The following MYO1E variants were observed in gnomAD, a reference collection of about 807,000 sequenced individuals.
MYO1E encodes the protein myosin IE, also known as unconventional myosin-Ie.
A neutral mutation model predicts 151.1 loss-of-function variants in MYO1E; 68 were observed. That is an observed-to-expected ratio of 0.45 (90% confidence interval 0.37 to 0.55). The LOEUF (loss-of-function observed/expected upper bound fraction) is 0.55, where lower values mean the gene tolerates loss of function less well. Ranked by LOEUF, MYO1E falls within the 20% of genes least tolerant of loss-of-function variation. The pLI, the probability that MYO1E is intolerant of heterozygous loss-of-function variation, is 0.00. For synonymous variants in MYO1E, 601 were observed against 501.7 expected, an observed-to-expected ratio of 1.20 and a Z score of -2.64; for missense variants, 1,363 against 1,389.3, an observed-to-expected ratio of 0.98 and a Z score of 0.30.
chr15:59,359,075 A>C (rs1400252158), intron 1 of MYO1E, among the ~76,000 whole-genome samples: 6 of 152,024 alleles, frequency 3.9e-5, no homozygotes, highest in African/African-American at 1.4e-4. Context: ...CTACCCTGGA[A>C]GTGGTCTCCA....
At chr15:59,276,598 A>G (rs1423589259) in intron 1 of MYO1E, among the ~76,000 whole-genome samples, 4 of 152,244 alleles carry the variant, frequency 2.6e-5, no homozygotes, top group African/African-American at 4.8e-5. Flanking sequence ...TTTATTAAAA[A>G]GCAGTTGATT....
chr15:59,334,264 A>G (rs2080715219), intron 1 of MYO1E, among the ~76,000 whole-genome samples: 1 of 152,216 alleles, frequency 6.6e-6, no homozygotes. Flanking sequence ...AGCCTGGGTA[A>G]CCAAATGAGA....
At chr15:59,302,695 G>A (rs1342387615) in intron 1 of MYO1E, among the ~76,000 whole-genome samples, 2 of 152,136 alleles carry the variant, frequency 1.3e-5, no homozygotes, top group Non-Finnish European at 2.9e-5. Flanking sequence ...CACAGTGCCT[G>A]ACACACCTTG....
intron 1 of MYO1E, among the ~76,000 whole-genome samples, chr15:59,285,800 T>C (rs2080384566): frequency 6.6e-6 from 1 of 152,244 alleles, no homozygotes; most frequent in Admixed American, 6.5e-5. Flanking sequence ...TGCATGTCCA[T>C]TAAGATTTTT....
In MYO1E at chr15:59,214,328, G is replaced by T. The variant is rs555679222; in HGVS notation, c.1189-14C>A. 86 of 1,544,794 alleles carry T rather than the reference G, an allele frequency of 5.6e-5. No homozygotes were observed. In the South Asian group the frequency reaches 7.8e-4, roughly 14 times the overall value. On this transcript the variant is annotated splice_polypyrimidine_tract_variant and intron_variant, in intron 11 of 27. Transcript: ENST00000288235. ...AAAGCCATTTTTCTGGAAAAAAAAAGTTATTCACATGTAATTCTTTCACAA... is the reference window on the plus strand; with the variant it reads ...AAAGCCATTTTTCTGGAAAAAAAAATTTATTCACATGTAATTCTTTCACAA...
chr15:59,290,484 C>T (rs936992989), intron 1 of MYO1E, among the ~76,000 whole-genome samples: 25 of 152,182 alleles, frequency 1.6e-4, no homozygotes, highest in African/African-American at 5.5e-4. Flanking sequence ...AGCCACCCTG[C>T]GACATCTTTG....
At chr15:59,158,833 T>G (rs1463478155) in intron 24 of MYO1E, among the ~76,000 whole-genome samples, 1 of 152,198 alleles carries the variant, frequency 6.6e-6, no homozygotes, top group Non-Finnish European at 1.5e-5. Context: ...CGCAAGAGTG[T>G]GTGTTCTACG....
Position 59,161,054 on chromosome 15 carries a change from G to C in MYO1E, c.2785+19C>G, listed in dbSNP as rs773372483. On this transcript the variant is annotated intron_variant, in intron 24 of 27. Transcript: ENST00000288235. ...GGGAGCGGCGGCAGTTCTGCCTGCAGGGCCCGTGGAGCACTTACGGGAGTT... is the reference window on the plus strand; with the variant it reads ...GGGAGCGGCGGCAGTTCTGCCTGCACGGCCCGTGGAGCACTTACGGGAGTT... The C allele has an allele frequency of 1.9e-6, 3 of 1,612,580 alleles. No individual in the cohort carries two copies. The highest frequency in any genetic ancestry group is 2.5e-6 in the Non-Finnish European group (3 of 1,180,004).
intron 4 of MYO1E, among the ~76,000 whole-genome samples, chr15:59,242,252 G>C (rs944332564): frequency 3.3e-5 from 5 of 152,144 alleles, no homozygotes; most frequent in African/African-American, 4.8e-5. Flanking sequence ...TCAATAAAAA[G>C]AACAAGGGCT....
Position 59,372,615 on chromosome 15 carries a change from C to G in MYO1E, c.-115G>C. The G allele has an allele frequency of 7.4e-7, 1 of 1,358,246 alleles. No individual in the cohort carries two copies. Among genetic ancestry groups the G allele is most frequent in the African/African-American group, 1.5e-5 (1 of 68,664 alleles). 84.1% of individuals were successfully genotyped at this position (1,358,246 alleles called of 1,614,324 possible). On this transcript the variant is annotated 5_prime_UTR_variant, in exon 1 of 28. Coordinates refer to ENST00000288235, the MANE Select transcript of MYO1E (RefSeq NM_004998.4). ...TGGTTCCCCTCGCCAAAAACAGGCT[C>G]CCGACACCCAAGCACTCACAGGAGC...
At position 59,211,304 on chromosome 15, in the gene MYO1E, CCA is replaced by C. The variant is rs200504874; in HGVS notation, c.1276-706_1276-705del. Among the ~76,000 whole-genome samples the C allele has an allele frequency of 3.7e-3, 556 of 152,154 alleles. 10 individuals are homozygous for C. Among genetic ancestry groups the C allele is most frequent in the Admixed American group, 0.031 (474 of 15,280 alleles). On this transcript the variant is annotated intron_variant, in intron 12 of 27. Transcript: ENST00000288235. ...ATGAGTTGCTCATTTAACTTGAACA[CCA>C]CAACACCATCCTGGTTTTTTCCTCT...
intron 1 of MYO1E, among the ~76,000 whole-genome samples, chr15:59,322,308 CT>C (rs1567014316): frequency 6.6e-6 from 1 of 151,986 alleles, no homozygotes; most frequent in African/African-American, 2.4e-5. Flanking sequence ...ACATGTACCC[CT>C]TGAATCTAAA....
intron 1 of MYO1E, among the ~76,000 whole-genome samples, chr15:59,335,006 T>C (rs2080719882): frequency 6.6e-6 from 1 of 152,150 alleles, no homozygotes; most frequent in Admixed American, 6.5e-5. Flanking sequence ...GCTAAGAATA[T>C]CCCTGAAGAA....
chr15:59,324,104 A>C (rs541314599), intron 1 of MYO1E, among the ~76,000 whole-genome samples: 1 of 152,192 alleles, frequency 6.6e-6, no homozygotes, highest in African/African-American at 2.4e-5. Context: ...GCCACAAATC[A>C]TAAGTAAGAA....
rs377282187 is a variant in MYO1E at position 59,225,020 on chromosome 15, C to G, written c.643-197G>C. On this transcript the variant is annotated intron_variant, in intron 7 of 27. Coordinates refer to ENST00000288235, the MANE Select transcript of MYO1E (RefSeq NM_004998.4). ...ATTTTGATTCCTAACTCTGGAAAGA[C>G]CTGCAAGAGCTGAGGATTTTCCATT... Among the ~76,000 whole-genome samples, 10 of 152,232 alleles carry G rather than the reference C, an allele frequency of 6.6e-5. No homozygotes were observed. The East Asian group carries it at 1.3e-3, about 21-fold the overall frequency.
At chr15:59,272,063 G>A (rs765190659) in intron 2 of MYO1E, among the ~76,000 whole-genome samples, 14 of 152,198 alleles carry the variant, frequency 9.2e-5, no homozygotes, top group Non-Finnish European at 1.9e-4. Flanking sequence ...CACAGCATCT[G>A]TTCGGACTTT....
chr15:59,170,939 T>G (rs1287331555), intron 22 of MYO1E, among the ~76,000 whole-genome samples: 1 of 152,136 alleles, frequency 6.6e-6, no homozygotes, highest in Non-Finnish European at 1.5e-5. Context: ...TTGACAGGCG[T>G]CCCAATTCCA....
chr15:59,288,222 C>A (rs1291282436), intron 1 of MYO1E, among the ~76,000 whole-genome samples: 1 of 152,174 alleles, frequency 6.6e-6, no homozygotes, highest in African/African-American at 2.4e-5. Context: ...GTCACCCAGG[C>A]TAGAGTGCAG....
At chr15:59,325,864 G>A (rs899123257) in intron 1 of MYO1E, among the ~76,000 whole-genome samples, 6 of 152,044 alleles carry the variant, frequency 3.9e-5, no homozygotes, top group Non-Finnish European at 5.9e-5. Flanking sequence ...TGTCAAATGC[G>A]GGACATGGAT....
Sources: gnomAD v4.1 joint callset for allele counts (sites outside exome capture counted in the v4.1 genomes callset) on GRCh38, gnomAD v4.1.1 for gene constraint, MANE v1.5 for transcripts, NCBI Gene and HGNC (gene_info 2026-07-23, HGNC 2026-07-21) for gene names.